Variants in MTCL2 observed in about 807,000 individuals in gnomAD.
MTCL2 encodes microtubule crosslinking factor 2, also known as microtubule cross-linking factor 2.
At chr20:36,823,391 C>CGGG in the MTCL2 span, among the ~76,000 whole-genome samples, 1 of 152,162 alleles carries the variant, frequency 6.6e-6, no homozygotes, top group African/African-American at 2.4e-5. Context: ...ACCCGCAGCC[C>CGGG]TCACGGTGGT....
the MTCL2 span, among the ~76,000 whole-genome samples, chr20:36,845,119 C>A: frequency 6.6e-6 from 1 of 152,160 alleles, no homozygotes; most frequent in African/African-American, 2.4e-5. Context: ...AGTTCCTGGA[C>A]CAGTAACATC....
At chr20:36,861,768 C>T in the MTCL2 span, among the ~76,000 whole-genome samples, 1 of 152,146 alleles carries the variant, frequency 6.6e-6, no homozygotes, top group Admixed American at 6.5e-5. Flanking sequence ...GTCCCTAAAG[C>T]TGCCATGGCA....
chr20:36,802,706 G>T, the MTCL2 span: 1 of 960,298 alleles, frequency 1.0e-6, no homozygotes, highest in Non-Finnish European at 1.5e-6. Context: ...TAAGTGCCTG[G>T]ATCCAGCTAT....
the MTCL2 span, among the ~76,000 whole-genome samples, chr20:36,821,742 C>T: frequency 2.0e-5 from 3 of 152,072 alleles, no homozygotes; most frequent in Middle Eastern, 3.2e-3. Flanking sequence ...AGCATATTCA[C>T]GTTTACATTT....
chr20:36,817,343 G>T, the MTCL2 span: 1 of 1,414,866 alleles, frequency 7.1e-7, no homozygotes, highest in Admixed American at 2.4e-5. Flanking sequence ...GGATCCCCAG[G>T]CCACTTAGAG....
chr20:36,815,192 G>T, the MTCL2 span: 1 of 1,613,836 alleles, frequency 6.2e-7, no homozygotes, highest in Non-Finnish European at 8.5e-7. The surrounding 1 kb of genome is among the most constrained non-coding windows in gnomAD (Gnocchi z 5.3). Context: ...AGCCCAAGGG[G>T]GGCAGTGATG....
At chr20:36,793,776 A>G in the MTCL2 span, 4 of 1,540,970 alleles carry the variant, frequency 2.6e-6, no homozygotes, top group Non-Finnish European at 3.5e-6. The surrounding 1 kb of genome is among the most constrained non-coding windows in gnomAD (Gnocchi z 6.8). Flanking sequence ...TACTTGGGGG[A>G]GCAGCAGGGC....
chr20:36,862,216 A>T, the MTCL2 span, among the ~76,000 whole-genome samples: 1 of 152,188 alleles, frequency 6.6e-6, no homozygotes, highest in Non-Finnish European at 1.5e-5. Context: ...ACGACTCAGG[A>T]TGGCATTCAG....
At chr20:36,783,019 AGAG>A in the MTCL2 span, 1 of 152,132 alleles carries the variant, frequency 6.6e-6, no homozygotes, top group African/African-American at 2.4e-5. Context: ...TGGGTGGGCC[AGAG>A]GAGAAGAGGC....
the MTCL2 span, chr20:36,793,253 T>A: frequency 5.2e-6 from 8 of 1,550,776 alleles, no homozygotes; most frequent in Non-Finnish European, 7.0e-6. The surrounding 1 kb of genome is among the most constrained non-coding windows in gnomAD (Gnocchi z 6.8). Context: ...ACCTACCTCA[T>A]TGGGAAGGAC....
At chr20:36,805,445 C>T in the MTCL2 span, among the ~76,000 whole-genome samples, 2 of 152,090 alleles carry the variant, frequency 1.3e-5, no homozygotes, top group Non-Finnish European at 2.9e-5. Flanking sequence ...ACCACAAGGC[C>T]CCTCTTCAGA....
the MTCL2 span, chr20:36,794,827 A>C: frequency 1.7e-6 from 1 of 584,610 alleles, no homozygotes. This position sits in a 1 kb window ranked among gnomAD's most constrained non-coding sequence, Gnocchi z 5.4. Context: ...GGAATGCAGT[A>C]GTGCAATAAT....
At chr20:36,844,522 T>G in the MTCL2 span, among the ~76,000 whole-genome samples, 2,950 of 140,038 alleles carry the variant, frequency 0.021, 84 homozygotes, top group African/African-American at 0.074. Flanking sequence ...TCCCAGCACT[T>G]TGGGAGGCTG....
At chr20:36,840,890 G>C in the MTCL2 span, among the ~76,000 whole-genome samples, 8 of 151,936 alleles carry the variant, frequency 5.3e-5, no homozygotes, top group Non-Finnish European at 8.8e-5. Flanking sequence ...TACGTCCTAG[G>C]TAGGCCCTGT....
At chr20:36,807,206 G>T in the MTCL2 span, among the ~76,000 whole-genome samples, 3 of 152,192 alleles carry the variant, frequency 2.0e-5, no homozygotes, top group Admixed American at 1.3e-4. Context: ...CTGGTGGCCT[G>T]CGAGAATGAT....
At chr20:36,794,211 C>T in the MTCL2 span, 4 of 1,547,184 alleles carry the variant, frequency 2.6e-6, no homozygotes, top group Non-Finnish European at 3.5e-6. The surrounding 1 kb of genome is among the most constrained non-coding windows in gnomAD (Gnocchi z 5.4). Flanking sequence ...TCAGCCTCGG[C>T]CGACTCTTTG....
At chr20:36,835,208 C>T in the MTCL2 span, among the ~76,000 whole-genome samples, 573 of 152,278 alleles carry the variant, frequency 3.8e-3, 2 homozygotes, top group Non-Finnish European at 5.4e-3. Flanking sequence ...AGCAGCTCTC[C>T]GCCCCGTGAC....
chr20:36,863,258 C>T, the MTCL2 span: 5 of 1,195,364 alleles, frequency 4.2e-6, no homozygotes, highest in African/African-American at 1.6e-5. This position sits in a 1 kb window ranked among gnomAD's most constrained non-coding sequence, Gnocchi z 6.2. Flanking sequence ...CGCGGTGGCT[C>T]TTTTTCCTCT....
the MTCL2 span, among the ~76,000 whole-genome samples, chr20:36,790,428 CT>C: frequency 0.15 from 15,269 of 101,152 alleles, 1,115 homozygotes; most frequent in Non-Finnish European, 0.19. Flanking sequence ...ACGCCTGGCC[CT>C]TTTTTTTTTT....
Sources: allele counts gnomAD v4.1 joint callset (sites outside exome capture counted in the v4.1 genomes callset), GRCh38; gene constraint gnomAD v4.1.1; non-coding constraint Gnocchi (gnomAD v3.1); transcripts MANE v1.5; gene names NCBI Gene and HGNC (gene_info 2026-07-23, HGNC 2026-07-21).